The following ROBO1 variants were observed in gnomAD, a reference collection of about 807,000 sequenced individuals.
The protein encoded by ROBO1 is roundabout guidance receptor 1, also known as roundabout homolog 1.
In ROBO1, 149 loss-of-function variants were observed where a neutral mutation model predicts 195.9. That is an observed-to-expected ratio of 0.76 (90% CI 0.67 to 0.87). The LOEUF (loss-of-function observed/expected upper bound fraction) is 0.87, where lower values mean the gene tolerates loss of function less well. ROBO1 is among the 40% of genes least tolerant of loss of function. ROBO1 has a pLI of 0.00. For synonymous variants in ROBO1, 816 were observed against 733.2 expected, an observed-to-expected ratio of 1.11 and a Z score of -1.82; for missense variants, 1,933 against 2,068.3, an observed-to-expected ratio of 0.93 and a Z score of 1.27.
chr3:79,058,423 C>G (rs955941238), intron 3 of ROBO1, among the ~76,000 whole-genome samples: 2 of 152,026 alleles, frequency 1.3e-5, no homozygotes, highest in African/African-American at 4.8e-5. Flanking sequence ...TGATACTCCC[C>G]ATTCTGAGCC....
At chr3:78,896,398 T>C (rs2037231389) in intron 4 of ROBO1, among the ~76,000 whole-genome samples, 1 of 152,058 alleles carries the variant, frequency 6.6e-6, no homozygotes, top group Non-Finnish European at 1.5e-5. Flanking sequence ...CATTCCACCA[T>C]TGTAATTTGC....
intron 3 of ROBO1, among the ~76,000 whole-genome samples, chr3:78,963,493 A>ATTT (rs1576477350): frequency 7.3e-5 from 3 of 41,098 alleles, no homozygotes; most frequent in Admixed American, 3.2e-4. Flanking sequence ...GAAAACCTTC[A>ATTT]GTTTTTTTTT....
chr3:79,709,341 AATT>A (rs1384941064), intron 1 of ROBO1, among the ~76,000 whole-genome samples: 7 of 152,124 alleles, frequency 4.6e-5, no homozygotes, highest in African/African-American at 1.7e-4. Context: ...TCTAATATGT[AATT>A]ATTATGTTTC....
chr3:79,344,232 G>C (rs1341789860), intron 2 of ROBO1, among the ~76,000 whole-genome samples: 1 of 152,134 alleles, frequency 6.6e-6, no homozygotes, highest in Non-Finnish European at 1.5e-5. Context: ...TAGAGCAGTG[G>C]TTCTCAATCC....
chr3:79,269,007 GA>G (rs2030266169), intron 2 of ROBO1, among the ~76,000 whole-genome samples: 1 of 151,514 alleles, frequency 6.6e-6, no homozygotes, highest in Non-Finnish European at 1.5e-5. Context: ...CCATTTACTA[GA>G]AGACCAATTC....
intron 1 of ROBO1, among the ~76,000 whole-genome samples, chr3:79,663,276 CA>C (rs1946384022): frequency 6.6e-6 from 1 of 151,696 alleles, no homozygotes; most frequent in East Asian, 1.9e-4. Context: ...AAATGTTCCA[CA>C]AAAAAATGCA....
intron 2 of ROBO1, among the ~76,000 whole-genome samples, chr3:79,384,103 C>T (rs374361127): frequency 1.3e-5 from 2 of 151,890 alleles, no homozygotes; most frequent in African/African-American, 4.8e-5. Context: ...GAGCAATAAT[C>T]TGATGCCAAG....
chr3:79,584,620 T>TGTGTGTAC (rs1333491689), intron 2 of ROBO1, among the ~76,000 whole-genome samples: 238 of 128,992 alleles, frequency 1.8e-3, no homozygotes, highest in African/African-American at 7.7e-3. Flanking sequence ...AGTGTGTGTG[T>TGTGTGTAC]GTGTGTGTGT....
At chr3:79,534,062 G>C (rs767156350) in intron 2 of ROBO1, among the ~76,000 whole-genome samples, 1 of 146,938 alleles carries the variant, frequency 6.8e-6, no homozygotes. Context: ...GCAGAGTGAC[G>C]TGAGAAAGAC....
At chr3:78,946,809 A>T in intron 3 of ROBO1, among the ~76,000 whole-genome samples, 1 of 152,204 alleles carries the variant, frequency 6.6e-6, no homozygotes, top group Non-Finnish European at 1.5e-5. Context: ...ATAGGCTCAA[A>T]ATAAAGGGAT....
intron 2 of ROBO1, among the ~76,000 whole-genome samples, chr3:79,358,145 C>G (rs1469869599): frequency 2.0e-5 from 3 of 151,994 alleles, no homozygotes; most frequent in South Asian, 4.1e-4. Flanking sequence ...CTCTTTGCCT[C>G]AATTTCTTTA....
At chr3:79,014,462 G>A (rs1211892343) in intron 3 of ROBO1, among the ~76,000 whole-genome samples, 1 of 152,102 alleles carries the variant, frequency 6.6e-6, no homozygotes, top group African/African-American at 2.4e-5. Context: ...GACAGGGTGA[G>A]ACTCCATTTC....
chr3:78,739,955 TTA>T (rs2082484309), intron 5 of ROBO1, among the ~76,000 whole-genome samples: 1 of 152,138 alleles, frequency 6.6e-6, no homozygotes, highest in African/African-American at 2.4e-5. Context: ...ATAAAAAATG[TTA>T]TGAGTCAAAA....
intron 9 of ROBO1, among the ~76,000 whole-genome samples, chr3:78,686,172 C>T (rs372816595): frequency 6.6e-6 from 1 of 151,988 alleles, no homozygotes; most frequent in Non-Finnish European, 1.5e-5. Context: ...AATAATCTAA[C>T]CTCAAATAGG....
intron 2 of ROBO1, among the ~76,000 whole-genome samples, chr3:79,476,077 T>C (rs535368441): frequency 2.6e-5 from 4 of 152,076 alleles, no homozygotes; most frequent in African/African-American, 9.6e-5. Flanking sequence ...CATCAAAAAG[T>C]GGACTAAGGA....
At chr3:79,263,863 A>G (rs771975233) in intron 2 of ROBO1, among the ~76,000 whole-genome samples, 1 of 152,046 alleles carries the variant, frequency 6.6e-6, no homozygotes, top group Non-Finnish European at 1.5e-5. Flanking sequence ...AACTAATGGT[A>G]CGGCAATTGC....
intron 2 of ROBO1, among the ~76,000 whole-genome samples, chr3:79,398,965 A>G (rs2037257253): frequency 6.6e-6 from 1 of 151,652 alleles, no homozygotes; most frequent in Non-Finnish European, 1.5e-5. Flanking sequence ...CTTCCTTTTG[A>G]GGGCATAAGA....
At chr3:78,952,199 A>G (rs993020093) in intron 3 of ROBO1, among the ~76,000 whole-genome samples, 3 of 151,438 alleles carry the variant, frequency 2.0e-5, no homozygotes, top group Non-Finnish European at 4.4e-5. Context: ...ATCAAATATC[A>G]TATTAATGTA....
chr3:79,681,360 T>A (rs1196226245), intron 1 of ROBO1, among the ~76,000 whole-genome samples: 1 of 151,744 alleles, frequency 6.6e-6, no homozygotes, highest in East Asian at 1.9e-4. Context: ...AAAATCCAGA[T>A]TTTGGCCCTA....
Sources: gnomAD v4.1 joint callset for allele counts (sites outside exome capture counted in the v4.1 genomes callset) on GRCh38, gnomAD v4.1.1 for gene constraint, MANE v1.5 for transcripts, NCBI Gene and HGNC (gene_info 2026-07-23, HGNC 2026-07-21) for gene names.